The following ARVCF variants were observed in gnomAD, a reference collection of about 807,000 sequenced individuals.
ARVCF encodes the protein splicing regulator ARVCF.
A neutral mutation model predicts 90.9 loss-of-function variants in ARVCF; 66 were observed. That is an observed-to-expected ratio of 0.73 (90% CI 0.60 to 0.89). The LOEUF is 0.89. Among genes scored for constraint, ARVCF ranks in the 40% least tolerant of loss-of-function variants. ARVCF has a pLI of 0.00. For missense variants in ARVCF, 1,469 were observed against 1,382.3 expected, an observed-to-expected ratio of 1.06 and a Z score of -1.00; for synonymous variants, 653 against 603.4, an observed-to-expected ratio of 1.08 and a Z score of -1.21.
intron 16 of ARVCF, 36 bp downstream of exon 16, chr22:19,972,701 C>T (rs1008626742): frequency 6.4e-6 from 10 of 1,560,234 alleles, no homozygotes; most frequent in Non-Finnish European, 8.7e-6. Flanking sequence ...CAGCTGGGGT[C>T]GCCACCCTCT....
At chr22:19,986,190 C>T (rs1003090778) in intron 3 of ARVCF, among the ~76,000 whole-genome samples, 4 of 152,240 alleles carry the variant, frequency 2.6e-5, no homozygotes, top group Non-Finnish European at 2.9e-5. Context: ...GGTCATCAGA[C>T]ACACTGTGAC....
At chr22:20,000,844 G>A (rs1322220152) in intron 2 of ARVCF, among the ~76,000 whole-genome samples, 1 of 152,106 alleles carries the variant, frequency 6.6e-6, no homozygotes, top group East Asian at 1.9e-4. Flanking sequence ...ACCAGACACG[G>A]AATCTGCTGG....
intron 2 of ARVCF, among the ~76,000 whole-genome samples, chr22:20,003,757 C>T (rs1023356577): frequency 4.6e-5 from 7 of 152,302 alleles, no homozygotes; most frequent in Admixed American, 1.3e-4. Flanking sequence ...AAGCCCATAA[C>T]ATCATACTCA....
chr22:19,972,593 G>C, intron 16 of ARVCF, 144 bp downstream of exon 16: 1 of 1,148,764 alleles, frequency 8.7e-7, no homozygotes, highest in East Asian at 2.6e-5. Flanking sequence ...GAAGGGAGTA[G>C]CCAAGAGGCA....
downstream of ARVCF, chr22:19,968,694 G>A (rs1274476196): frequency 1.2e-6 from 2 of 1,613,682 alleles, no homozygotes; most frequent in Non-Finnish European, 1.7e-6. Context: ...ACGGCCTGGA[G>A]AAGGCCATCT....
chr22:20,002,828 G>A (rs930270602), intron 2 of ARVCF, among the ~76,000 whole-genome samples: 3 of 152,156 alleles, frequency 2.0e-5, no homozygotes, highest in Admixed American at 1.3e-4. Context: ...AAGGGCCTGC[G>A]ATTCTGAATG....
Position 19,970,555 on chromosome 22 carries a change from CTAGGGAG to C in ARVCF, c.*194_*200del. The C allele has an allele frequency of 8.7e-7, 1 of 1,149,978 alleles. No individual in the cohort carries two copies. The highest frequency in any genetic ancestry group is 1.5e-5 in the South Asian group (1 of 65,226). 71.2% of individuals were successfully genotyped at this position (1,149,978 alleles called of 1,614,324 possible). A position where few individuals can be genotyped will look rare whatever the true frequency, so the allele number is the denominator to read the frequency against. On this transcript the variant is annotated 3_prime_UTR_variant, in exon 20 of 20. Transcript: ENST00000263207. The stretch of plus-strand genomic sequence containing the variant: ...ATGTCAGTAAACAGCTAACTCAGGC[CTAGGGAG>C]TTAGGTAGGATGGGGGGAGTGGGGT...
rs1383836418 is a variant in ARVCF, at chr22:19,972,741, G to C, written c.2637C>G (p.Ser879Arg). 1 of 1,609,888 alleles carries C rather than the reference G, an allele frequency of 6.2e-7. No homozygotes were observed. Among genetic ancestry groups the C allele is most frequent in the East Asian group, 2.2e-5 (1 of 44,806 alleles). Residue 879 changes from serine (S) to arginine (R), a missense_variant, in exon 16 of 20, where the codon AGC becomes AGG. By Grantham distance (110) the Ser-to-Arg change is moderately radical. Coordinates refer to ENST00000263207, the MANE Select transcript of ARVCF (RefSeq NM_001670.3). ...TCCCTAAGCTCCACCACTCACCAAG[G>C]CTCTTGTCCACCAGTGGCAGCGTGC... Reference protein sequence around the residue: ...DDSTLPLVDKSLEGEKTGSRD... With the variant: ...DDSTLPLVDKRLEGEKTGSRD...
intron 2 of ARVCF, among the ~76,000 whole-genome samples, chr22:20,005,142 A>G (rs537866311): frequency 3.3e-5 from 5 of 152,232 alleles, no homozygotes; most frequent in African/African-American, 2.4e-5. Flanking sequence ...ATATATCTGA[A>G]AAGGAATTCA....
rs1226410023 is a variant in ARVCF, at chr22:19,980,072, C to T, written c.1067G>A (p.Arg356Gln). 6.3e-6 allele frequency: 10 copies of T among 1,582,342 alleles called. No individual in the cohort carries two copies. The highest frequency in any genetic ancestry group is 2.3e-5 in the East Asian group (1 of 43,522). ...CAGCACCTCAGGCAGCTCAGGGTCC[C>T]GCCAGCGCGGCTCCTTGCGGGCGCT... ...VDSARKEPRW[R>Q]DPELPEVLAM... The change falls in exon 6 of 20, where the codon CGG (arginine) becomes CAG (glutamine). Residue 356 changes from arginine to glutamine, a missense_variant. Transcript: ENST00000263207.
intron 2 of ARVCF, among the ~76,000 whole-genome samples, chr22:19,993,658 G>A (rs1354154681): frequency 6.6e-6 from 1 of 152,228 alleles, no homozygotes; most frequent in African/African-American, 2.4e-5. Flanking sequence ...CCAACTCTGA[G>A]GAGGCCACTT....
rs766747620 is a variant in ARVCF at position 19,978,093 on chromosome 22, G to A, written c.1581-18C>T. ...TCACATTCCTGTGTGGCCAAGAGCA[G>A]GCCAGGTGACCCCTGGCTACCAGAA... On this transcript the variant is annotated intron_variant, in intron 7 of 19. Coordinates refer to ENST00000263207, the MANE Select transcript of ARVCF (RefSeq NM_001670.3). 6.3e-7 allele frequency: 1 copy of A among 1,584,264 alleles called. No individual in the cohort carries two copies. The highest frequency in any genetic ancestry group is 8.6e-7 in the Non-Finnish European group (1 of 1,165,208).
chr22:19,971,070 A>C, intron 19 of ARVCF, 146 bp downstream of exon 19: 3 of 1,352,142 alleles, frequency 2.2e-6, no homozygotes, highest in African/African-American at 1.4e-5. Flanking sequence ...CTTTCCGGGA[A>C]TGGGCCACTG....
Position 19,978,980 on chromosome 22 carries a change from T to C in ARVCF, c.1497A>G (p.Gly499=), listed in dbSNP as rs764265238. 1 of 1,613,304 alleles carries C rather than the reference T, an allele frequency of 6.2e-7. No individual in the cohort carries two copies. Among genetic ancestry groups the C allele is most frequent in the Middle Eastern group, 1.7e-4 (1 of 6,058 alleles). ...AGTCCTCGTTGGGCTCACGCTCCCA[T>C]CCTGAGTGGGGCACGATCACCTCGT... ...LTHEVIVPHS[G]WEREPNEDSK... is the part of the protein sequence containing the mutation. Residue 499 remains glycine, a synonymous_variant, in exon 7 of 20, where the codon GGA becomes GGG. Coordinates refer to ENST00000263207, the MANE Select transcript of ARVCF (RefSeq NM_001670.3).
At chr22:20,005,060 T>C (rs1331078108) in intron 2 of ARVCF, among the ~76,000 whole-genome samples, 2 of 152,150 alleles carry the variant, frequency 1.3e-5, no homozygotes, top group African/African-American at 4.8e-5. Context: ...ATTTAAAATG[T>C]ATGTTCATCA....
intron 2 of ARVCF, among the ~76,000 whole-genome samples, chr22:20,009,642 G>A (rs937417731): frequency 1.3e-5 from 2 of 152,226 alleles, no homozygotes; most frequent in Non-Finnish European, 2.9e-5. Context: ...AGCACCCATC[G>A]TGGCAAAACT....
intron 1 of ARVCF, among the ~76,000 whole-genome samples, chr22:20,015,803 G>A (rs1945067240): frequency 6.6e-6 from 1 of 152,236 alleles, no homozygotes; most frequent in Non-Finnish European, 1.5e-5. Context: ...CCTGGATGTA[G>A]GGAAAGGGAG....
rs763306136 is a variant in ARVCF, at chr22:19,980,251, G to A, written c.897-9C>T. 6 of 1,506,080 alleles carry A rather than the reference G, an allele frequency of 4.0e-6. No individual in the cohort carries two copies. In the East Asian group the frequency reaches 1.4e-4, roughly 35 times the overall value. 93.3% of individuals were successfully genotyped at this position (1,506,080 alleles called of 1,614,324 possible). ...CTGTGTCCTCGTAGGCCCTGCACAG[G>A]CAAGTGGGGCGCGTGGACATCGTCA... On this transcript the variant is annotated splice_polypyrimidine_tract_variant and intron_variant, in intron 5 of 19. Transcript: ENST00000263207.
Position 19,977,446 on chromosome 22 carries a change from A to G in ARVCF, c.1839T>C (p.Asp613=). ...AVGSQRRRRD[D]ASCFGGKKAK... is the part of the protein sequence containing the mutation. ...CCTTCTTGCCTCCAAAGCAGCTGGC[A>G]TCATCCCGCCTCCGGCGCTGGGAGC... Residue 613 remains aspartate, a synonymous_variant, in exon 9 of 20, where the codon GAT becomes GAC. Transcript: ENST00000263207. 1 of 1,551,416 alleles carries G rather than the reference A, an allele frequency of 6.4e-7. No homozygotes were observed. Among genetic ancestry groups the G allele is most frequent in the South Asian group, 1.2e-5 (1 of 83,270 alleles).
Sources: allele counts gnomAD v4.1 joint callset (sites outside exome capture counted in the v4.1 genomes callset), GRCh38; gene constraint gnomAD v4.1.1; transcripts MANE v1.5; gene names NCBI Gene and HGNC (gene_info 2026-07-23, HGNC 2026-07-21).